Variants in NAGLU observed in about 807,000 individuals in gnomAD.
NAGLU encodes the protein alpha-N-acetylglucosaminidase.
Under a neutral mutation model 43.4 loss-of-function variants are expected in NAGLU, and 34 were observed. The ratio of observed to expected loss-of-function variants is 0.78; its 90% CI spans 0.60 to 1.04. The LOEUF is 1.04. Among genes scored for constraint, NAGLU ranks in the 50% least tolerant of loss-of-function variants. The pLI is 0.00. For missense variants in NAGLU, 910 were observed against 993.7 expected, an observed-to-expected ratio of 0.92 and a Z score of 1.13; for synonymous variants, 425 against 437.6, an observed-to-expected ratio of 0.97 and a Z score of 0.36.
At position 42,544,282 on chromosome 17, in the gene NAGLU, C is replaced by T. The variant is rs367559727; in HGVS notation, c.*44C>T. The T allele has an allele frequency of 2.1e-5, 33 of 1,601,450 alleles. No homozygotes were observed. The highest frequency in any genetic ancestry group is 2.7e-5 in the Non-Finnish European group (32 of 1,179,858). ...GCCTTGTTTTCCGCTAATTCCAGGGCAGATTCCAGGGCCCAGAGCTGGACA... is the reference window on the plus strand; with the variant it reads ...GCCTTGTTTTCCGCTAATTCCAGGGTAGATTCCAGGGCCCAGAGCTGGACA... On this transcript the variant is annotated 3_prime_UTR_variant, in exon 6 of 6. Coordinates refer to ENST00000225927, the MANE Select transcript of NAGLU (RefSeq NM_000263.4).
At position 42,543,401 on chromosome 17, in the gene NAGLU, G is replaced by A. The variant is rs767360328; in HGVS notation, c.1395G>A (p.Lys465=). The A allele has an allele frequency of 6.2e-7, 1 of 1,606,440 alleles. No homozygotes were observed. The highest frequency in any genetic ancestry group is 1.1e-5 in the South Asian group (1 of 90,252). ...YSLMAELGWR[K]DPVPDLAAWV... Reference sequence around the variant, plus strand: ...TCATGGCTGAGCTGGGCTGGCGAAAGGACCCAGTGCCAGATTTGGCAGCCT... The same window carrying A: ...TCATGGCTGAGCTGGGCTGGCGAAAAGACCCAGTGCCAGATTTGGCAGCCT... Residue 465 remains lysine, a synonymous_variant, in exon 6 of 6, where the codon AAG becomes AAA. Transcript: ENST00000225927.
rs2092926507 is a variant in NAGLU at position 42,543,293 on chromosome 17, TGC to T, written c.1288_1289del (p.Ala430ProfsTer30). On this transcript the variant is annotated frameshift_variant, in exon 6 of 6. Transcript: ENST00000225927. LOFTEE classifies it high-confidence loss of function. ...AGGCTGTGAACGGAGGCCCAGAAGC[TGC>T]CCGCCTCTTCCCCAACTCCACCATG... is the stretch of plus-strand genomic sequence containing the variant. ...LEAVNGGPEA[A>X]RLFPNSTMVG... 6.2e-7 allele frequency: 1 copy of T among 1,613,814 alleles called. No homozygotes were observed. The highest frequency in any genetic ancestry group is 8.5e-7 in the Non-Finnish European group (1 of 1,180,030).
In NAGLU at chr17:42,536,277, A is replaced by AGGCGGTGGCGGTGGCCGC. The variant is rs2092905613; in HGVS notation, c.14_31dup (p.Ala5_Val10dup). 8.2e-7 allele frequency: 1 copy of AGGCGGTGGCGGTGGCCGC among 1,217,572 alleles called. No homozygotes were observed. The highest frequency in any genetic ancestry group is 4.1e-5 in the South Asian group (1 of 24,244). 75.4% of individuals were successfully genotyped at this position (1,217,572 alleles called of 1,614,324 possible). A position where few individuals can be genotyped will look rare whatever the true frequency, so the allele number is the denominator to read the frequency against. ...GGGACCCGCAGGACTGAGACCATGG[A>AGGCGGTGGCGGTGGCCGC]GGCGGTGGCGGTGGCCGCGGCGGTG... On this transcript the variant is annotated inframe_insertion, in exon 1 of 6. Coordinates refer to ENST00000225927, the MANE Select transcript of NAGLU (RefSeq NM_000263.4).
intron 4 of NAGLU, 54 bp downstream of exon 4, chr17:42,538,809 T>C: frequency 6.3e-7 from 1 of 1,591,690 alleles, no homozygotes; most frequent in East Asian, 2.2e-5. Context: ...TTTATTCCCT[T>C]CTAGAACATG....
At position 42,543,087 on chromosome 17, in the gene NAGLU, TG is replaced by T; in HGVS notation, c.1086del (p.Ala364ProfsTer57). On this transcript the variant is annotated frameshift_variant, in exon 6 of 6. Coordinates refer to ENST00000225927, the MANE Select transcript of NAGLU (RefSeq NM_000263.4). LOFTEE classifies it high-confidence loss of function. ...GWLFQHQPQF[W>X]GPAQIRAVLG... ...GCTCTTCCAGCACCAGCCGCAGTTC[TG>T]GGGGCCCGCCCAGATCAGGGCTGTG... The T allele has an allele frequency of 1.2e-6, 2 of 1,611,338 alleles. No individual in the cohort carries two copies. The highest frequency in any genetic ancestry group is 1.1e-5 in the South Asian group (1 of 91,090).
chr17:42,538,858 A>C, intron 4 of NAGLU, 103 bp downstream of exon 4: 1 of 1,366,358 alleles, frequency 7.3e-7, no homozygotes, highest in Non-Finnish European at 1.0e-6. Context: ...GCAGTGGCTC[A>C]CGCCTGTAAT....
At chr17:42,537,076 T>G (rs1436668429) in intron 1 of NAGLU, 1 of 463,190 alleles carries the variant, frequency 2.2e-6, no homozygotes, top group East Asian at 4.4e-5. Context: ...CCTGCCCATC[T>G]GTTAGACTGT....
rs892493572 is a variant in NAGLU, at chr17:42,538,711, A to T, written c.720A>T (p.Pro240=). Residue 240 remains proline, a synonymous_variant, in exon 4 of 6, where the codon CCA becomes CCT. Transcript: ENST00000225927. The part of the protein sequence containing the change: ...LDQMRSFGMT[P]VLPAFAGHVP... ...AGATGCGCTCCTTCGGCATGACCCC[A>T]GTGCTGCCTGCATTCGCGGGGCATG... 2.5e-6 allele frequency: 4 copies of T among 1,613,894 alleles called. No homozygotes were observed. The African/African-American group carries it at 5.3e-5, about 22-fold the overall frequency.
Position 42,536,261 on chromosome 17 carries a change from A to C in NAGLU, c.-12A>C, listed in dbSNP as rs958428974. 35 of 1,217,232 alleles carry C rather than the reference A, an allele frequency of 2.9e-5. No individual in the cohort carries two copies. The African/African-American group carries it at 4.9e-4, about 17-fold the overall frequency. The allele number at this position is 1,217,232 out of a possible 1,614,324, so 75.4% of individuals were successfully genotyped here. A position where few individuals can be genotyped will look rare whatever the true frequency, so the allele number is the denominator to read the frequency against. On this transcript the variant is annotated 5_prime_UTR_variant, in exon 1 of 6. Coordinates refer to ENST00000225927, the MANE Select transcript of NAGLU (RefSeq NM_000263.4). ...ACCCCCTGGCCGTCGCGGGACCCGC[A>C]GGACTGAGACCATGGAGGCGGTGGC...
rs1366797084 is a variant in NAGLU at position 42,536,281 on chromosome 17, G to A, written c.9G>A (p.Ala3=). 3.3e-6 allele frequency: 4 copies of A among 1,218,014 alleles called. No homozygotes were observed. The highest frequency in any genetic ancestry group is 4.1e-6 in the Non-Finnish European group (4 of 979,144). 75.5% of individuals were successfully genotyped at this position (1,218,014 alleles called of 1,614,324 possible). The part of the protein sequence containing the change: ME[A]VAVAAAVGVL... ...CCCGCAGGACTGAGACCATGGAGGC[G>A]GTGGCGGTGGCCGCGGCGGTGGGGG... is the stretch of plus-strand genomic sequence containing the variant. Residue 3 remains alanine, a synonymous_variant, in exon 1 of 6, where the codon GCG becomes GCA. Coordinates refer to ENST00000225927, the MANE Select transcript of NAGLU (RefSeq NM_000263.4).
In NAGLU at chr17:42,538,448, T is replaced by TG. The variant is rs2092912932; in HGVS notation, c.642dup (p.Pro215AlafsTer58). On this transcript the variant is annotated frameshift_variant, in exon 3 of 6. Coordinates refer to ENST00000225927, the MANE Select transcript of NAGLU (RefSeq NM_000263.4). LOFTEE classifies it high-confidence loss of function. Reference sequence around the variant, plus strand: ...AACCTGCACACCTGGGATGGCCCCCTGCCCCCCTCCTGGCACATCAAGCAG... The same window carrying TG: ...AACCTGCACACCTGGGATGGCCCCCTGGCCCCCCTCCTGGCACATCAAGCAG... 1 of 1,614,110 alleles carries TG rather than the reference T, an allele frequency of 6.2e-7. No homozygotes were observed. Among genetic ancestry groups the TG allele is most frequent in the Non-Finnish European group, 8.5e-7 (1 of 1,180,016 alleles).
rs1323850779 is a variant in NAGLU, at chr17:42,537,544, G to A, written c.530G>A (p.Arg177Gln). 6.8e-6 allele frequency: 11 copies of A among 1,613,590 alleles called. No homozygotes were observed. Among genetic ancestry groups the A allele is most frequent in the Non-Finnish European group, 6.8e-6 (8 of 1,180,006 alleles). The change falls in exon 2 of 6, where the codon CGG becomes CAG. Residue 177 changes from arginine to glutamine, a missense_variant and splice_region_variant. Physicochemically the swap from Arg to Gln is conservative, Grantham distance 43. Coordinates refer to ENST00000225927, the MANE Select transcript of NAGLU (RefSeq NM_000263.4). ...AGCGGCCAGGAGGCCATCTGGCAGC[G>A]GGTGCGTGCCCACTGTCCCTTCCCC... ...AWSGQEAIWQRVYLALGLTQA... is the reference protein window; with the variant it reads ...AWSGQEAIWQQVYLALGLTQA...
At chr17:42,542,991 A>G in intron 5 of NAGLU, 37 bp from the exon 6 acceptor site, 1 of 1,597,234 alleles carries the variant, frequency 6.3e-7, no homozygotes, top group Non-Finnish European at 8.5e-7. Context: ...CTGTTTCATC[A>G]CTCCTCTTCT....
rs140905880 is a variant in NAGLU, at chr17:42,543,886, C to T, written c.1880C>T (p.Ala627Val). ...GGCAGCTGGCTAGAGCAGGCCCGAG[C>T]AGCGGCAGTCAGTGAGGCCGAGGCC... ...LLGSWLEQARAAAVSEAEADF... is the reference protein window; with the variant it reads ...LLGSWLEQARVAAVSEAEADF... Residue 627 changes from alanine (A) to valine (V), a missense_variant, in exon 6 of 6, where the codon GCA becomes GTA. Physicochemically the swap from Ala to Val is moderately conservative, Grantham distance 64. Coordinates refer to ENST00000225927, the MANE Select transcript of NAGLU (RefSeq NM_000263.4). 77 of 1,604,578 alleles carry T rather than the reference C, an allele frequency of 4.8e-5. No individual in the cohort carries two copies. The African/African-American group carries it at 9.3e-4, about 19-fold the overall frequency.
intron 4 of NAGLU, among the ~76,000 whole-genome samples, chr17:42,540,333 C>T (rs1000105157): frequency 1.3e-5 from 2 of 150,768 alleles, no homozygotes; most frequent in Non-Finnish European, 1.5e-5. Flanking sequence ...AGCAAACCAC[C>T]ATGGCACATG....
chr17:42,543,861 G>A lies in NAGLU; in HGVS notation c.1855G>A (p.Gly619Ser). Residue 619 changes from glycine (G) to serine (S), a missense_variant, in exon 6 of 6, where the codon GGC becomes AGC. Transcript: ENST00000225927. ...GGCTAGTGACAGCCGCTTCTTGCTGGGCAGCTGGCTAGAGCAGGCCCGAGC... is the reference window on the plus strand; with the variant it reads ...GGCTAGTGACAGCCGCTTCTTGCTGAGCAGCTGGCTAGAGCAGGCCCGAGC... ...VLASDSRFLL[G>S]SWLEQARAAA... 1 of 1,602,650 alleles carries A rather than the reference G, an allele frequency of 6.2e-7. No individual in the cohort carries two copies. Among genetic ancestry groups the A allele is most frequent in the Non-Finnish European group, 8.5e-7 (1 of 1,175,046 alleles).
chr17:42,540,898 G>C, intron 4 of NAGLU, 52 bp from the exon 5 acceptor site: 1 of 1,613,980 alleles, frequency 6.2e-7, no homozygotes, highest in South Asian at 1.1e-5. Context: ...GAACACTATG[G>C]TGAACACTAT....
In NAGLU at chr17:42,536,401, C is replaced by A; in HGVS notation, c.129C>A (p.Gly43=). ...TCGTGGCCCGGCTGCTGGGGCCAGG[C>A]CCCGCGGCCGACTTCTCCGTGTCGG... is the stretch of plus-strand genomic sequence containing the variant. ...RALVARLLGP[G]PAADFSVSVE... The change falls in exon 1 of 6, where the codon GGC becomes GGA. Residue 43 remains glycine, a synonymous_variant. Transcript: ENST00000225927. 1 of 1,234,168 alleles carries A rather than the reference C, an allele frequency of 8.1e-7. No homozygotes were observed. The allele number at this position is 1,234,168 out of a possible 1,614,324, so 76.5% of individuals were successfully genotyped here. A position where few individuals can be genotyped will look rare whatever the true frequency, so the allele number is the denominator to read the frequency against.
In NAGLU at chr17:42,544,204, A is replaced by C; in HGVS notation, c.2198A>C (p.Lys733Thr). The change falls in exon 6 of 6, where the codon AAA becomes ACA. Residue 733 changes from lysine (K) to threonine (T), a missense_variant. Physicochemically the swap from Lys to Thr is moderately conservative, Grantham distance 78 (BLOSUM62 -1). Coordinates refer to ENST00000225927, the MANE Select transcript of NAGLU (RefSeq NM_000263.4). ...TVDLAKKIFL[K>T]YYPRWVAGSW is the part of the protein sequence containing the mutation. ...GACCTGGCCAAGAAGATCTTCCTCA[A>C]ATATTACCCCCGCTGGGTGGCCGGC... 1 of 1,612,458 alleles carries C rather than the reference A, an allele frequency of 6.2e-7. No homozygotes were observed. The highest frequency in any genetic ancestry group is 8.5e-7 in the Non-Finnish European group (1 of 1,179,998).
Sources: allele counts gnomAD v4.1 joint callset (sites outside exome capture counted in the v4.1 genomes callset), GRCh38; gene constraint gnomAD v4.1.1; transcripts MANE v1.5; gene names NCBI Gene and HGNC (gene_info 2026-07-23, HGNC 2026-07-21).